Variants in CLSTN2 observed in about 807,000 individuals in gnomAD.
CLSTN2 encodes calsyntenin 2, also known as calsyntenin-2.
In CLSTN2, 48 loss-of-function variants were observed where a neutral mutation model predicts 101.2. That is an observed-to-expected ratio of 0.47 (90% CI 0.38 to 0.60). The LOEUF (loss-of-function observed/expected upper bound fraction) is 0.60, where lower values mean the gene tolerates loss of function less well. CLSTN2 is among the 20% of genes least tolerant of loss of function. CLSTN2 has a pLI of 0.00. For missense variants in CLSTN2, 1,160 were observed against 1,238.2 expected, an observed-to-expected ratio of 0.94 and a Z score of 0.95; for synonymous variants, 481 against 463.6, an observed-to-expected ratio of 1.04 and a Z score of -0.48.
chr3:140,292,392 T>C (rs775432818), intron 2 of CLSTN2, among the ~76,000 whole-genome samples: 1 of 152,236 alleles, frequency 6.6e-6, no homozygotes, highest in Non-Finnish European at 1.5e-5. Flanking sequence ...TATTTGTTTT[T>C]TTTCTTCTTC....
At chr3:140,156,287 CG>C (rs1341584712) in intron 1 of CLSTN2, among the ~76,000 whole-genome samples, 1 of 152,132 alleles carries the variant, frequency 6.6e-6, no homozygotes, top group Non-Finnish European at 1.5e-5. Flanking sequence ...ACTTGTTCTA[CG>C]ATGTTTCAAT....
At chr3:140,214,454 A>T (rs970873739) in intron 2 of CLSTN2, among the ~76,000 whole-genome samples, 1 of 15,762 alleles carries the variant, frequency 6.3e-5, no homozygotes, top group Non-Finnish European at 1.1e-4. Flanking sequence ...ACTCTGTCTT[A>T]AAAAAAAAGA....
At chr3:139,956,056 A>G (rs576702091) in intron 1 of CLSTN2, among the ~76,000 whole-genome samples, 33 of 152,190 alleles carry the variant, frequency 2.2e-4, no homozygotes, top group African/African-American at 7.9e-4. Flanking sequence ...GCATCAGACT[A>G]CCTGAGATTT....
intron 1 of CLSTN2, among the ~76,000 whole-genome samples, chr3:140,099,045 C>T (rs989039634): frequency 2.0e-5 from 3 of 152,140 alleles, no homozygotes; most frequent in African/African-American, 7.2e-5. Context: ...TGCCACAGTC[C>T]AGAGAAGGAC....
At chr3:140,275,596 C>A (rs900102667) in intron 2 of CLSTN2, among the ~76,000 whole-genome samples, 7 of 152,120 alleles carry the variant, frequency 4.6e-5, no homozygotes, top group Admixed American at 2.6e-4. Flanking sequence ...ATCACATTTA[C>A]AAGAACCTGC....
chr3:140,500,223 G>A (rs754277511), intron 8 of CLSTN2, among the ~76,000 whole-genome samples: 3 of 151,992 alleles, frequency 2.0e-5, no homozygotes, highest in East Asian at 1.9e-4. Flanking sequence ...TTGTCCACTC[G>A]GTATAACACT....
intron 1 of CLSTN2, among the ~76,000 whole-genome samples, chr3:140,012,774 C>A (rs530761533): frequency 2.0e-5 from 3 of 152,274 alleles, no homozygotes; most frequent in African/African-American, 7.2e-5. Context: ...GCTGGGTAAG[C>A]CTGGGTGCCT....
chr3:140,256,703 G>A (rs1347043588), intron 2 of CLSTN2, among the ~76,000 whole-genome samples: 3 of 152,162 alleles, frequency 2.0e-5, no homozygotes, highest in Non-Finnish European at 4.4e-5. Flanking sequence ...TTTTGAACTG[G>A]GGTGTCCCCA....
Position 140,076,625 on chromosome 3 carries a change from G to GTTTTTTTTTTTTTTT in CLSTN2, c.110-99312_110-99298dup, listed in dbSNP as rs35645750. 5.5e-4 allele frequency among the ~76,000 whole-genome samples: 21 copies of GTTTTTTTTTTTTTTT among 38,062 alleles called. 5 individuals carry two copies. The highest frequency in any genetic ancestry group is 2.0e-3 in the African/African-American group (18 of 8,908). The allele number at this position is 38,062 out of a possible 152,430, so 25.0% of individuals were successfully genotyped here. A position where few individuals can be genotyped will look rare whatever the true frequency, so the allele number is the denominator to read the frequency against. On this transcript the variant is annotated intron_variant, in intron 1 of 16. Coordinates refer to ENST00000458420, the MANE Select transcript of CLSTN2 (RefSeq NM_022131.3). ...CAATGACTCCCCTCTCACCAGCAGT[G>GTTTTTTTTTTTTTTT]TTTTTTTTTTTTTTTTTTTTTTTTT...
chr3:139,975,146 C>A (rs1576382671), intron 1 of CLSTN2, among the ~76,000 whole-genome samples: 1 of 152,278 alleles, frequency 6.6e-6, no homozygotes. Flanking sequence ...GTGGTAACCT[C>A]CACCCTGGGC....
chr3:140,239,577 G>A (rs905694395), intron 2 of CLSTN2, among the ~76,000 whole-genome samples: 4 of 152,104 alleles, frequency 2.6e-5, no homozygotes, highest in Admixed American at 6.6e-5. Flanking sequence ...ACTCAATTTC[G>A]TAATCATTTT....
At chr3:140,344,312 A>G (rs920499989) in intron 2 of CLSTN2, among the ~76,000 whole-genome samples, 39 of 152,168 alleles carry the variant, frequency 2.6e-4, no homozygotes, top group African/African-American at 9.4e-4. Context: ...ATGGAGGAGC[A>G]CAGAGGACAG....
Position 140,073,089 on chromosome 3 carries a change from T to G in CLSTN2, c.110-102862T>G, listed in dbSNP as rs74456542. Among the ~76,000 whole-genome samples, 209 of 152,340 alleles carry G rather than the reference T, an allele frequency of 1.4e-3. 2 individuals are homozygous for G. The East Asian group carries it at 0.036, about 26-fold the overall frequency. On this transcript the variant is annotated intron_variant, in intron 1 of 16. Coordinates refer to ENST00000458420, the MANE Select transcript of CLSTN2 (RefSeq NM_022131.3). The stretch of plus-strand genomic sequence containing the variant: ...AACACGAATGGTGGCACTGGAACTT[T>G]GGGCTGTTCTTTGTAAAAAATGGCC...
At chr3:140,117,396 G>A (rs2009262894) in intron 1 of CLSTN2, among the ~76,000 whole-genome samples, 1 of 152,100 alleles carries the variant, frequency 6.6e-6, no homozygotes, top group Non-Finnish European at 1.5e-5. Flanking sequence ...ACTTCCCGAA[G>A]CTTTCATTTC....
intron 1 of CLSTN2, among the ~76,000 whole-genome samples, chr3:140,163,319 C>A (rs2010080705): frequency 6.6e-6 from 1 of 151,972 alleles, no homozygotes; most frequent in Non-Finnish European, 1.5e-5. Flanking sequence ...GCAGCATCAA[C>A]TTCTGTCTGG....
At chr3:139,999,799 A>G (rs771041407) in intron 1 of CLSTN2, among the ~76,000 whole-genome samples, 1 of 152,010 alleles carries the variant, frequency 6.6e-6, no homozygotes, top group Non-Finnish European at 1.5e-5. Flanking sequence ...TGTGTGAATT[A>G]TATGTATGGT....
chr3:140,083,611 C>G (rs2008632836), intron 1 of CLSTN2, among the ~76,000 whole-genome samples: 1 of 152,236 alleles, frequency 6.6e-6, no homozygotes, highest in Admixed American at 6.5e-5. Flanking sequence ...ACCCCAGAAT[C>G]CCACATTCTT....
chr3:140,248,883 C>T (rs990662978), intron 2 of CLSTN2, among the ~76,000 whole-genome samples: 7 of 152,204 alleles, frequency 4.6e-5, no homozygotes, highest in Admixed American at 3.9e-4. Context: ...TTGGATAAAT[C>T]ACTTTCTCTC....
At chr3:140,478,523 T>A (rs1375739070) in intron 8 of CLSTN2, among the ~76,000 whole-genome samples, 2 of 152,178 alleles carry the variant, frequency 1.3e-5, no homozygotes, top group African/African-American at 2.4e-5. Flanking sequence ...ACATTAAATT[T>A]CCATAAAAGG....
Sources: gnomAD v4.1 joint callset for allele counts (sites outside exome capture counted in the v4.1 genomes callset) on GRCh38, gnomAD v4.1.1 for gene constraint, MANE v1.5 for transcripts, NCBI Gene and HGNC (gene_info 2026-07-23, HGNC 2026-07-21) for gene names.